Variants in PSMF1 observed in about 807,000 individuals in gnomAD.
PSMF1 encodes the protein proteasome inhibitor PI31 subunit.
In PSMF1, 30 loss-of-function variants were observed where a neutral mutation model predicts 29.3. That is an observed-to-expected ratio of 1.02 (90% confidence interval 0.77 to 1.39). The LOEUF is 1.39. PSMF1 is among the 40% of genes most tolerant of loss of function. PSMF1 has a pLI of 0.00. For synonymous variants in PSMF1, 134 were observed against 139.7 expected (o/e 0.96, Z 0.29); for missense variants, 344 against 357.5 (o/e 0.96, Z 0.31).
intron 1 of PSMF1, among the ~76,000 whole-genome samples, chr20:1,119,490 C>T (rs763459169): frequency 4.6e-5 from 7 of 152,128 alleles, no homozygotes; most frequent in African/African-American, 7.2e-5. Flanking sequence ...CTCGCTACTG[C>T]CATCCCCAAC....
At chr20:1,155,685 G>A (rs1259123813) in intron 4 of PSMF1, among the ~76,000 whole-genome samples, 2 of 152,218 alleles carry the variant, frequency 1.3e-5, no homozygotes, top group Non-Finnish European at 2.9e-5. Flanking sequence ...AAGTACAGGA[G>A]AACTGGCTCT....
chr20:1,117,132 G>T (rs1371940748), upstream of PSMF1, among the ~76,000 whole-genome samples: 1 of 152,140 alleles, frequency 6.6e-6, no homozygotes, highest in Non-Finnish European at 1.5e-5. Context: ...GTAGATGTGA[G>T]AGAAGAGGGG....
chr20:1,161,562 TGC>T (rs2086667600), intron 4 of PSMF1: 17 of 612,426 alleles, frequency 2.8e-5, no homozygotes, highest in Non-Finnish European at 4.8e-5. Flanking sequence ...AAGATCATCG[TGC>T]TCCCAGAGCG....
chr20:1,152,602 A>G (rs1273659738), intron 4 of PSMF1, among the ~76,000 whole-genome samples: 1 of 152,220 alleles, frequency 6.6e-6, no homozygotes, highest in Non-Finnish European at 1.5e-5. Context: ...TGTTTACATT[A>G]AAAAACAAAA....
chr20:1,160,654 AC>A (rs2086654965), intron 4 of PSMF1: 1 of 509,108 alleles, frequency 2.0e-6, no homozygotes. Flanking sequence ...TTTGCTGGGG[AC>A]GACGCCCCTG....
intron 4 of PSMF1, among the ~76,000 whole-genome samples, chr20:1,140,647 T>C (rs2086369565): frequency 6.6e-6 from 1 of 152,162 alleles, no homozygotes; most frequent in African/African-American, 2.4e-5. Context: ...AAAAGGATAG[T>C]ATCAAGAAAC....
chr20:1,148,917 A>G (rs948296629), intron 4 of PSMF1, among the ~76,000 whole-genome samples: 1 of 152,222 alleles, frequency 6.6e-6, no homozygotes, highest in African/African-American at 2.4e-5. Flanking sequence ...GCAGTTACAA[A>G]TGATATTTTC....
intron 2 of PSMF1, chr20:1,127,157 A>G: frequency 1.6e-6 from 1 of 608,234 alleles, no homozygotes; most frequent in Non-Finnish European, 3.0e-6. Flanking sequence ...TTGATGCATC[A>G]GTTCAACACC....
At chr20:1,135,332 G>T (rs891988410) in intron 4 of PSMF1, 26 bp downstream of exon 4, 9 of 1,584,350 alleles carry the variant, frequency 5.7e-6, no homozygotes, top group East Asian at 2.2e-5. Flanking sequence ...CTAGCGGGAA[G>T]CCCATGCTTC....
chr20:1,133,555 G>GTGTGTATATATATA (rs60728448), intron 3 of PSMF1, among the ~76,000 whole-genome samples: 3 of 53,988 alleles, frequency 5.6e-5, no homozygotes, highest in Admixed American at 2.0e-4. Flanking sequence ...CTATATATGT[G>GTGTGTATATATATA]TATATATATA....
In PSMF1 at chr20:1,164,535, G is replaced by C. The variant is rs1176311757; in HGVS notation, c.764+59G>C. On this transcript the variant is annotated intron_variant, in intron 6 of 6. Coordinates refer to ENST00000335877, the MANE Select transcript of PSMF1 (RefSeq NM_006814.5). The surrounding 1 kb of genome is among the most constrained non-coding windows in gnomAD (Gnocchi z 4.1). ...ACCTGATGGCAGCTTGGTTCAGTGT[G>C]GCAGCAATGAAGGTTTCTAGCCCCA... 5 of 1,594,180 alleles carry C rather than the reference G, an allele frequency of 3.1e-6. No individual in the cohort carries two copies. The Admixed American group carries it at 8.4e-5, about 27-fold the overall frequency.
intron 4 of PSMF1, among the ~76,000 whole-genome samples, chr20:1,148,940 T>C (rs904002534): frequency 1.3e-5 from 2 of 152,226 alleles, no homozygotes; most frequent in African/African-American, 4.8e-5. Context: ...AATACACATT[T>C]ATTCATTCAT....
intron 4 of PSMF1, among the ~76,000 whole-genome samples, chr20:1,149,523 G>C (rs374655124): frequency 1.3e-5 from 2 of 152,182 alleles, no homozygotes; most frequent in Non-Finnish European, 2.9e-5. Context: ...GCAGTAAATA[G>C]CATTCATTAT....
rs1384075127 is a variant in PSMF1, at chr20:1,166,391, T to C, written c.*1311T>C. ...CCTTTCATTTCTCAGCTCCCTGGAT[T>C]CCTTCCCCTAAATTAGGACCTATTA... On this transcript the variant is annotated 3_prime_UTR_variant, in exon 7 of 7. Transcript: ENST00000335877. The C allele has an allele frequency of 1.0e-6, 1 of 986,208 alleles. No homozygotes were observed. Among genetic ancestry groups the C allele is most frequent in the Non-Finnish European group, 1.6e-6 (1 of 639,092 alleles). 61.1% of individuals were successfully genotyped at this position (986,208 alleles called of 1,614,324 possible). A position where few individuals can be genotyped will look rare whatever the true frequency, so the allele number is the denominator to read the frequency against.
At chr20:1,129,726 G>A (rs2086204549) in intron 3 of PSMF1, among the ~76,000 whole-genome samples, 2 of 152,200 alleles carry the variant, frequency 1.3e-5, no homozygotes, top group African/African-American at 4.8e-5. Context: ...GAACTCTTGT[G>A]CACTCTTGGG....
rs992897398 is a variant in PSMF1 at position 1,160,685 on chromosome 20, T to G, written c.552-2445T>G. 34 of 496,802 alleles carry G rather than the reference T, an allele frequency of 6.8e-5. No individual in the cohort carries two copies. The Middle Eastern group carries it at 2.6e-3, about 38-fold the overall frequency. The allele number at this position is 496,802 out of a possible 1,614,324, so 30.8% of individuals were successfully genotyped here. A position where few individuals can be genotyped will look rare whatever the true frequency, so the allele number is the denominator to read the frequency against. ...CCCCTGGAACCATGTTTCCCTCCAC[T>G]GTCAGGTGCCCCCAACACCAGGGCA... On this transcript the variant is annotated intron_variant, in intron 4 of 6. Transcript: ENST00000335877.
intron 4 of PSMF1, among the ~76,000 whole-genome samples, chr20:1,141,453 A>G (rs2086378959): frequency 6.6e-6 from 1 of 152,216 alleles, no homozygotes; most frequent in Non-Finnish European, 1.5e-5. Flanking sequence ...AAGAGAATTG[A>G]TAATAACTGC....
intron 3 of PSMF1, 95 bp from the exon 4 acceptor site, chr20:1,135,026 C>G (rs770696649): frequency 7.8e-7 from 1 of 1,284,178 alleles, no homozygotes; most frequent in Admixed American, 1.8e-5. Flanking sequence ...CAGGAGCTAT[C>G]AGGGCCGCCG....
chr20:1,121,343 A>G (rs2086084797), intron 1 of PSMF1, among the ~76,000 whole-genome samples: 1 of 151,976 alleles, frequency 6.6e-6, no homozygotes, highest in Non-Finnish European at 1.5e-5. Flanking sequence ...CATGCCCCCG[A>G]AGGAATGAGT....
Sources: gnomAD v4.1 joint callset for allele counts (sites outside exome capture counted in the v4.1 genomes callset) on GRCh38, gnomAD v4.1.1 for gene constraint, Gnocchi (gnomAD v3.1) non-coding constraint, MANE v1.5 for transcripts, NCBI Gene and HGNC (gene_info 2026-07-23, HGNC 2026-07-21) for gene names.